The following NCOA3 variants were observed in gnomAD, a reference collection of about 807,000 sequenced individuals.
NCOA3 encodes the protein CBP-interacting protein.
Under a neutral mutation model 158.8 loss-of-function variants are expected in NCOA3, and 51 were observed. The ratio of observed to expected loss-of-function variants is 0.32; its 90% CI spans 0.26 to 0.41. The LOEUF (loss-of-function observed/expected upper bound fraction) is 0.41. Ranked by LOEUF, NCOA3 falls within the 10% of genes least tolerant of loss-of-function variation. The pLI is 1.00. For synonymous variants in NCOA3, 537 were observed against 592.4 expected (o/e 0.91, Z 1.36); for missense variants, 1,510 against 1,746.6 (o/e 0.86, Z 2.41).
At chr20:47,609,309 C>T (rs2086006611) in intron 2 of NCOA3, among the ~76,000 whole-genome samples, 1 of 152,096 alleles carries the variant, frequency 6.6e-6, no homozygotes, top group Non-Finnish European at 1.5e-5. Flanking sequence ...ACAGTGACCA[C>T]TCTTAAGATA....
At position 47,636,341 on chromosome 20, in the gene NCOA3, G is replaced by A. The variant is rs1471731984; in HGVS notation, c.1955G>A (p.Ser652Asn). 3 of 1,614,048 alleles carry A rather than the reference G, an allele frequency of 1.9e-6. No individual in the cohort carries two copies. Among genetic ancestry groups the A allele is most frequent in the African/African-American group, 1.3e-5 (1 of 74,904 alleles). ...TCAAGTTGTAAAGAATCTTCTGTTA[G>A]TGTCACCAGCCCCTCTGGAGTCTCC... ...LDSSCKESSV[S>N]VTSPSGVSSS... The change falls in exon 12 of 23, where the codon AGT (serine) becomes AAT (asparagine). Residue 652 changes from serine (S) to asparagine (N), a missense_variant. Ser to Asn is a conservative substitution (Grantham distance 46). Transcript: ENST00000371998.
intron 2 of NCOA3, among the ~76,000 whole-genome samples, chr20:47,612,350 T>C (rs1252481105): frequency 6.6e-6 from 1 of 152,048 alleles, no homozygotes; most frequent in Non-Finnish European, 1.5e-5. Context: ...ACAGAAATAG[T>C]GTAATATGTA....
intron 2 of NCOA3, among the ~76,000 whole-genome samples, chr20:47,604,208 C>G (rs1007663068): frequency 1.3e-5 from 2 of 152,078 alleles, no homozygotes; most frequent in Non-Finnish European, 2.9e-5. Context: ...TTTGTTTTAC[C>G]TGTGGTTTTT....
chr20:47,567,020 G>A lies in NCOA3; in HGVS notation c.-98-16163G>A, dbSNP rs6018552. On this transcript the variant is annotated intron_variant, in intron 1 of 22. Coordinates refer to ENST00000371998, the MANE Select transcript of NCOA3 (RefSeq NM_181659.3). ...GTTTACATGGTATAGTACTATGTAT[G>A]TATGTATGTATGTATGTATGTATGT... Among the ~76,000 whole-genome samples, 226 of 109,278 alleles carry A rather than the reference G, an allele frequency of 2.1e-3. 1 individual carries two copies. Among genetic ancestry groups the A allele is most frequent in the African/African-American group, 8.8e-3 (209 of 23,798 alleles). The allele number at this position is 109,278 out of a possible 152,430, so 71.7% of individuals were successfully genotyped here.
chr20:47,511,534 T>C (rs1268577126), intron 1 of NCOA3, among the ~76,000 whole-genome samples: 1 of 28,192 alleles, frequency 3.5e-5, no homozygotes, highest in East Asian at 1.7e-3. Context: ...GATATATATA[T>C]ATATATATAT....
At chr20:47,560,834 T>A (rs909830853) in intron 1 of NCOA3, among the ~76,000 whole-genome samples, 2 of 149,880 alleles carry the variant, frequency 1.3e-5, no homozygotes, top group African/African-American at 2.5e-5. Flanking sequence ...GATTTAAAAA[T>A]TTTTTTTATT....
At chr20:47,622,453 G>A in intron 3 of NCOA3, 123 bp downstream of exon 3, 1 of 623,694 alleles carries the variant, frequency 1.6e-6, no homozygotes, top group Non-Finnish European at 2.7e-6. Flanking sequence ...TTCGTGGTAA[G>A]TAGAGTGTTA....
At position 47,633,586 on chromosome 20, in the gene NCOA3, T is replaced by G; in HGVS notation, c.914T>G (p.Phe305Cys). ...ATCCGAAGGTGTATTCAGAGATTTT[T>G]TAGTCTAAATGATGGGCAGTCATGG... ...DIIRRCIQRF[F>C]SLNDGQSWSQ... The change falls in exon 9 of 23, where the codon TTT (phenylalanine) becomes TGT (cysteine). Residue 305 changes from phenylalanine to cysteine, a missense_variant. By Grantham distance (205) the Phe-to-Cys change is radical. This residue lies in a region of NCOA3 where 309 missense variants were observed against 427.1 expected (regional missense o/e 0.72). Transcript: ENST00000371998. 1 of 1,614,112 alleles carries G rather than the reference T, an allele frequency of 6.2e-7. No homozygotes were observed. The highest frequency in any genetic ancestry group is 8.5e-7 in the Non-Finnish European group (1 of 1,179,966).
At chr20:47,628,100 C>A in intron 8 of NCOA3, 77 bp downstream of exon 8, 1 of 1,024,986 alleles carries the variant, frequency 9.8e-7, no homozygotes, top group Non-Finnish European at 1.5e-6. Flanking sequence ...GTAAATGTTA[C>A]TATTTTTAAT....
Position 47,651,800 on chromosome 20 carries a change from C to T in NCOA3, c.3946+524C>T, listed in dbSNP as rs114540827. On this transcript the variant is annotated intron_variant, in intron 20 of 22. Coordinates refer to ENST00000371998, the MANE Select transcript of NCOA3 (RefSeq NM_181659.3). ...CTGCCTCAGCCCTGAGTAGCTGGGA[C>T]TACAGGTGCATTCCACCACCCCCGG... 2.4e-3 allele frequency among the ~76,000 whole-genome samples: 364 copies of T among 151,728 alleles called. 3 individuals are homozygous for T. Among genetic ancestry groups the T allele is most frequent in the African/African-American group, 8.3e-3 (343 of 41,358 alleles).
intron 17 of NCOA3, among the ~76,000 whole-genome samples, chr20:47,642,952 C>T (rs182773261): frequency 3.9e-5 from 6 of 152,336 alleles, no homozygotes; most frequent in Admixed American, 3.3e-4. Context: ...GCTCTGTCAA[C>T]CAGGCTGGAG....
chr20:47,646,307 C>T (rs988697041), intron 17 of NCOA3, among the ~76,000 whole-genome samples: 1 of 152,116 alleles, frequency 6.6e-6, no homozygotes, highest in Non-Finnish European at 1.5e-5. Context: ...CCGTTTCCTT[C>T]CCCTGGAATG....
At chr20:47,555,907 G>T (rs1345488285) in intron 1 of NCOA3, among the ~76,000 whole-genome samples, 1 of 150,230 alleles carries the variant, frequency 6.7e-6, no homozygotes, top group Non-Finnish European at 1.5e-5. Flanking sequence ...CTCCCAAAGT[G>T]CTGGGATTAC....
At chr20:47,569,163 T>A (rs975134664) in intron 1 of NCOA3, among the ~76,000 whole-genome samples, 1 of 151,960 alleles carries the variant, frequency 6.6e-6, no homozygotes, top group African/African-American at 2.4e-5. Flanking sequence ...CTGGGCAACA[T>A]AGCAAGACCC....
intron 3 of NCOA3, 110 bp downstream of exon 3, chr20:47,622,440 C>A: frequency 1.4e-6 from 1 of 706,668 alleles, no homozygotes; most frequent in South Asian, 2.3e-5. Context: ...TTGGTGGTTT[C>A]ACTTCGTGGT....
intron 2 of NCOA3, among the ~76,000 whole-genome samples, chr20:47,614,070 T>TG (rs2086091753): frequency 1.3e-5 from 1 of 76,540 alleles, no homozygotes; most frequent in Non-Finnish European, 2.8e-5. Flanking sequence ...AGTTCCACGT[T>TG]ATAAAAGCTC....
At chr20:47,522,201 C>A (rs2084350865) in intron 1 of NCOA3, among the ~76,000 whole-genome samples, 1 of 139,288 alleles carries the variant, frequency 7.2e-6, no homozygotes, top group Admixed American at 8.1e-5. Flanking sequence ...CTCACTGGTT[C>A]ACGCCATTCT....
At chr20:47,634,437 A>G (rs1205229535) in intron 10 of NCOA3, among the ~76,000 whole-genome samples, 1 of 152,204 alleles carries the variant, frequency 6.6e-6, no homozygotes, top group South Asian at 2.1e-4. Context: ...TGGGTGGATA[A>G]AAGAGCACAT....
chr20:47,601,368 T>G (rs1182497890), intron 2 of NCOA3, among the ~76,000 whole-genome samples: 1 of 152,190 alleles, frequency 6.6e-6, no homozygotes, highest in Non-Finnish European at 1.5e-5. Flanking sequence ...AACATGAGTT[T>G]TGTGGAGATA....
Sources: allele counts gnomAD v4.1 joint callset (sites outside exome capture counted in the v4.1 genomes callset), GRCh38; gene constraint gnomAD v4.1.1; regional missense constraint gnomAD v4.1.1; transcripts MANE v1.5; gene names NCBI Gene and HGNC (gene_info 2026-07-23, HGNC 2026-07-21).